Variants in NID1 observed in about 807,000 individuals in gnomAD.
The protein encoded by NID1 is nidogen 1, also known as nidogen-1.
A neutral mutation model predicts 130.6 loss-of-function variants in NID1; 76 were observed. The ratio of observed to expected loss-of-function variants is 0.58; its 90% confidence interval spans 0.48 to 0.70. The LOEUF is 0.70. Ranked by LOEUF, NID1 falls within the 30% of genes least tolerant of loss-of-function variation. The pLI is 0.00. For missense variants in NID1, 1,517 were observed against 1,664.8 expected, an observed-to-expected ratio of 0.91 and a Z score of 1.54; for synonymous variants, 665 against 675.1, an observed-to-expected ratio of 0.98 and a Z score of 0.23.
chr1:236,027,004 G>T (rs1658952006), intron 7 of NID1, among the ~76,000 whole-genome samples: 1 of 152,028 alleles, frequency 6.6e-6, no homozygotes, highest in Admixed American at 6.6e-5. Context: ...GCCTCCCAAA[G>T]TGCTGGGATT....
intron 10 of NID1, among the ~76,000 whole-genome samples, chr1:236,015,508 G>A (rs1336667967): frequency 6.6e-6 from 1 of 152,020 alleles, no homozygotes; most frequent in Non-Finnish European, 1.5e-5. Flanking sequence ...TTAGCTGGGA[G>A]TGGTGGTGCA....
intron 12 of NID1, among the ~76,000 whole-genome samples, chr1:235,994,700 C>CT (rs11397466): frequency 0.52 from 73,458 of 142,034 alleles, 19,783 homozygotes; most frequent in Admixed American, 0.61. Context: ...TCTTCTTCTT[C>CT]TTTTTTTTTT....
chr1:236,043,443 A>T (rs988221261), intron 3 of NID1, among the ~76,000 whole-genome samples: 1 of 152,100 alleles, frequency 6.6e-6, no homozygotes, highest in Non-Finnish European at 1.5e-5. Flanking sequence ...TGGGAAAAAA[A>T]ACCCCACCCA....
At chr1:235,995,788 A>G (rs1486332730) in intron 12 of NID1, among the ~76,000 whole-genome samples, 1 of 152,190 alleles carries the variant, frequency 6.6e-6, no homozygotes, top group Non-Finnish European at 1.5e-5. Context: ...TGCCCACACC[A>G]TACCTGTATC....
chr1:235,980,148 G>A (rs1452310430), intron 17 of NID1, among the ~76,000 whole-genome samples: 1 of 152,122 alleles, frequency 6.6e-6, no homozygotes, highest in Non-Finnish European at 1.5e-5. Context: ...CACGAGCCAG[G>A]GCAGACTAAT....
intron 1 of NID1, chr1:236,060,910 A>G (rs1007878061): frequency 1.3e-5 from 2 of 152,204 alleles, no homozygotes; most frequent in Admixed American, 1.3e-4. Flanking sequence ...TCTCCTTAAC[A>G]ACCTGAATAT....
At chr1:236,052,014 T>C (rs1659773116) in intron 1 of NID1, among the ~76,000 whole-genome samples, 1 of 152,244 alleles carries the variant, frequency 6.6e-6, no homozygotes, top group Non-Finnish European at 1.5e-5. Context: ...TGGAAAATTA[T>C]TTTTCAGCTA....
At position 236,045,642 on chromosome 1, in the gene NID1, G is replaced by A. The variant is rs200292041; in HGVS notation, c.567C>T (p.Ser189=). ...FQAVLASSDS[S]SYAIFLYPED... ...CAGGATAAAGGAAAATGGCATAGGA[G>A]CTGGAATCAGAGGAGGCTAGAACAG... is the stretch of plus-strand genomic sequence containing the variant. The change falls in exon 3 of 20, where the codon AGC becomes AGT. Residue 189 remains serine, a synonymous_variant. Coordinates refer to ENST00000264187, the MANE Select transcript of NID1 (RefSeq NM_002508.3). 5 of 1,614,168 alleles carry A rather than the reference G, an allele frequency of 3.1e-6. No individual in the cohort carries two copies. In the East Asian group the frequency reaches 8.9e-5, roughly 29 times the overall value.
intron 4 of NID1, among the ~76,000 whole-genome samples, chr1:236,038,772 T>A (rs112010458): frequency 4.4e-4 from 53 of 119,126 alleles, no homozygotes; most frequent in African/African-American, 1.9e-3. Context: ...ATATATAATA[T>A]ATATTACCTA....
At chr1:236,026,590 G>A (rs1314114028) in intron 7 of NID1, among the ~76,000 whole-genome samples, 2 of 152,112 alleles carry the variant, frequency 1.3e-5, no homozygotes, top group African/African-American at 4.8e-5. Context: ...ATCAGACCAG[G>A]TAATGTATGT....
chr1:235,985,023 A>G (rs1267106222), intron 15 of NID1, among the ~76,000 whole-genome samples: 1 of 151,978 alleles, frequency 6.6e-6, no homozygotes, highest in African/African-American at 2.4e-5. Flanking sequence ...CCCTGTCTCT[A>G]CTAAAAAAAA....
In NID1 at chr1:236,048,672, A is replaced by T. The variant is rs1193178711; in HGVS notation, c.525+18T>A. ...AATGTGTCTGATTACCTGCACTTGG[A>T]CCTGGAGGGGAGCTTACCTTGCCTT... On this transcript the variant is annotated intron_variant, in intron 2 of 19. Transcript: ENST00000264187. The T allele has an allele frequency of 6.2e-7, 1 of 1,603,488 alleles. No individual in the cohort carries two copies. The highest frequency in any genetic ancestry group is 1.8e-5 in the Admixed American group (1 of 56,936).
intron 13 of NID1, among the ~76,000 whole-genome samples, chr1:235,991,744 A>G (rs919977296): frequency 6.6e-6 from 1 of 152,206 alleles, no homozygotes; most frequent in South Asian, 2.1e-4. Context: ...GTAGCACAAC[A>G]GCGAAAACAG....
Position 236,048,884 on chromosome 1 carries a change from A to T in NID1, c.331T>A (p.Leu111Met). Reference protein sequence around the residue: ...FGAVAPFLADLDTTDGLGKVY... With the variant: ...FGAVAPFLADMDTTDGLGKVY... ...TTCCCCAGGCCATCGGTCGTGTCCAAGTCCGCCAGGAAAGGGGCGACTGCA... is the reference window on the plus strand; with the variant it reads ...TTCCCCAGGCCATCGGTCGTGTCCATGTCCGCCAGGAAAGGGGCGACTGCA... The change falls in exon 2 of 20, where the codon TTG becomes ATG. Residue 111 changes from leucine (L) to methionine (M), a missense_variant. Leu to Met is a conservative substitution (Grantham distance 15, BLOSUM62 2). Around this residue, in one of 3 missense-constraint regions of NID1, gnomAD observed 1,329 missense variants for 1,429.2 expected, o/e 0.93. Transcript: ENST00000264187. 6.2e-7 allele frequency: 1 copy of T among 1,614,032 alleles called. No homozygotes were observed. Among genetic ancestry groups the T allele is most frequent in the Non-Finnish European group, 8.5e-7 (1 of 1,180,002 alleles).
intron 15 of NID1, among the ~76,000 whole-genome samples, chr1:235,982,873 TTTTTG>T (rs1217249773): frequency 1.3e-5 from 2 of 151,964 alleles, no homozygotes; most frequent in East Asian, 3.9e-4. Context: ...ACTGTGGGTT[TTTTTG>T]TTTTGTTTTG....
intron 1 of NID1, among the ~76,000 whole-genome samples, chr1:236,050,145 C>T (rs572417723): frequency 7.2e-5 from 11 of 152,224 alleles, no homozygotes; most frequent in South Asian, 2.1e-4. Context: ...GAATAAGTGG[C>T]AACACTGGGA....
chr1:236,057,071 C>T lies in NID1; in HGVS notation c.225+7784G>A, dbSNP rs142305048. Among the ~76,000 whole-genome samples the T allele has an allele frequency of 2.4e-3, 364 of 152,060 alleles. 3 individuals are homozygous for T. The highest frequency in any genetic ancestry group is 8.2e-3 in the African/African-American group (339 of 41,458). On this transcript the variant is annotated intron_variant, in intron 1 of 19. Coordinates refer to ENST00000264187, the MANE Select transcript of NID1 (RefSeq NM_002508.3). ...GTCAGGAGTTTGAGGCCAGCCTGAC[C>T]AATATGGTGAAATCCCGTCTCTACT...
intron 12 of NID1, among the ~76,000 whole-genome samples, chr1:235,999,221 C>T (rs776785157): frequency 6.6e-6 from 1 of 152,228 alleles, no homozygotes; most frequent in Non-Finnish European, 1.5e-5. Flanking sequence ...CCAAACAAAA[C>T]TTTTCATGCA....
At chr1:236,050,713 G>A (rs1659741901) in intron 1 of NID1, among the ~76,000 whole-genome samples, 1 of 152,174 alleles carries the variant, frequency 6.6e-6, no homozygotes, top group African/African-American at 2.4e-5. Flanking sequence ...TCTTGTTAGT[G>A]CACAATCCAC....
Sources: gnomAD v4.1 joint callset for allele counts (sites outside exome capture counted in the v4.1 genomes callset) on GRCh38, gnomAD v4.1.1 for gene constraint, gnomAD v4.1.1 regional missense constraint, MANE v1.5 for transcripts, NCBI Gene and HGNC (gene_info 2026-07-23, HGNC 2026-07-21) for gene names.